Variants in NCOA1 observed in about 807,000 individuals in gnomAD.
NCOA1 encodes the protein Hin-2 protein.
Under a neutral mutation model 150.9 loss-of-function variants are expected in NCOA1, and 35 were observed. The observed-to-expected ratio is 0.23, with a 90% confidence interval of 0.18 to 0.31. The LOEUF is 0.31. Among genes scored for constraint, NCOA1 ranks in the 10% least tolerant of loss-of-function variants. The probability of loss-of-function intolerance (pLI) is 1.00; values close to 1 mark genes in which losing one functional copy is unlikely to be tolerated. For synonymous variants in NCOA1, 590 were observed against 630.0 expected (o/e 0.94, Z 0.95); for missense variants, 1,491 against 1,749.3 (o/e 0.85, Z 2.63).
At chr2:24,492,816 T>A (rs1663035971) in intron 1 of NCOA1, among the ~76,000 whole-genome samples, 1 of 152,196 alleles carries the variant, frequency 6.6e-6, no homozygotes, top group African/African-American at 2.4e-5. Context: ...GGGCTGGTGC[T>A]TACATTTCAG....
intron 2 of NCOA1, among the ~76,000 whole-genome samples, chr2:24,569,256 G>T (rs536786063): frequency 1.3e-5 from 2 of 152,234 alleles, no homozygotes; most frequent in African/African-American, 4.8e-5. Flanking sequence ...TTTTCACAGT[G>T]ATATGTTAGC....
chr2:24,680,041 T>C (rs1672093007), intron 7 of NCOA1, among the ~76,000 whole-genome samples: 2 of 152,224 alleles, frequency 1.3e-5, no homozygotes, highest in African/African-American at 4.8e-5. Context: ...AATAATCTTG[T>C]CCATTCATCT....
At chr2:24,540,595 A>G (rs1040689870) in intron 1 of NCOA1, among the ~76,000 whole-genome samples, 9 of 151,902 alleles carry the variant, frequency 5.9e-5, no homozygotes, top group African/African-American at 2.2e-4. Flanking sequence ...AGTAGCTGGG[A>G]TTACAGGCGC....
At chr2:24,575,271 T>C (rs979756347) in intron 2 of NCOA1, among the ~76,000 whole-genome samples, 31 of 152,306 alleles carry the variant, frequency 2.0e-4, no homozygotes, top group African/African-American at 7.0e-4. Flanking sequence ...TGCAGTGTAT[T>C]TTTCATTTCA....
chr2:24,524,389 C>T (rs957724217), intron 1 of NCOA1, among the ~76,000 whole-genome samples: 1 of 152,114 alleles, frequency 6.6e-6, no homozygotes, highest in Non-Finnish European at 1.5e-5. Context: ...CCTCAACCTC[C>T]TGGACTCAAC....
At chr2:24,741,695 C>A in intron 18 of NCOA1, 89 bp from the exon 19 acceptor site, 1 of 1,395,026 alleles carries the variant, frequency 7.2e-7, no homozygotes, top group Non-Finnish European at 9.6e-7. Flanking sequence ...CTTTATTGCC[C>A]CAAGCAAGTA....
At position 24,741,887 on chromosome 2, in the gene NCOA1, G is replaced by A. The variant is rs1362745243; in HGVS notation, c.3407G>A (p.Arg1136Lys). The change falls in exon 19 of 23, where the codon AGG (arginine) becomes AAG (lysine). Residue 1136 changes from arginine to lysine, a missense_variant. Transcript: ENST00000348332. ...LIQQQRAMLM[R>K]QQSFGNNLPP... The stretch of plus-strand genomic sequence containing the variant: ...CAGCAGCAAAGAGCCATGCTTATGA[G>A]GCAGCAAAGCTTTGGGAACAACCTC... 1 of 1,614,208 alleles carries A rather than the reference G, an allele frequency of 6.2e-7. No individual in the cohort carries two copies. The highest frequency in any genetic ancestry group is 2.2e-5 in the East Asian group (1 of 44,888).
chr2:24,518,481 T>C (rs1664297085), intron 1 of NCOA1, among the ~76,000 whole-genome samples: 1 of 152,050 alleles, frequency 6.6e-6, no homozygotes, highest in African/African-American at 2.4e-5. Context: ...ATACTGGAGG[T>C]TCTAATCTGT....
Position 24,729,374 on chromosome 2 carries a change from T to C in NCOA1, c.2887-127T>C, listed in dbSNP as rs546099190. ...AAGCAGCTTTTATAAATGATTTCTTTAGGTAGTAAACTTCTGGAGAGCATG... is the reference window on the plus strand; with the variant it reads ...AAGCAGCTTTTATAAATGATTTCTTCAGGTAGTAAACTTCTGGAGAGCATG... On this transcript the variant is annotated intron_variant, in intron 16 of 22. Coordinates refer to ENST00000348332, the MANE Select transcript of NCOA1 (RefSeq NM_003743.5). 100 of 861,520 alleles carry C rather than the reference T, an allele frequency of 1.2e-4. No individual in the cohort carries two copies. In the African/African-American group the frequency reaches 1.7e-3, roughly 14 times the overall value. 53.4% of individuals were successfully genotyped at this position (861,520 alleles called of 1,614,324 possible). A position where few individuals can be genotyped will look rare whatever the true frequency, so the allele number is the denominator to read the frequency against.
chr2:24,542,134 A>G (rs1242209357), intron 1 of NCOA1, among the ~76,000 whole-genome samples: 2 of 152,370 alleles, frequency 1.3e-5, no homozygotes, highest in South Asian at 4.1e-4. Context: ...AATAGAGTAG[A>G]TAGATGCAAG....
chr2:24,518,926 A>T (rs192632600), intron 1 of NCOA1, among the ~76,000 whole-genome samples: 46 of 152,294 alleles, frequency 3.0e-4, no homozygotes, highest in Admixed American at 1.4e-3. Flanking sequence ...ATGCAATCCC[A>T]GTCAAAATCC....
intron 22 of NCOA1, 30 bp from the exon 23 acceptor site, chr2:24,768,191 G>A (rs755607968): frequency 1.9e-6 from 3 of 1,612,824 alleles, no homozygotes; most frequent in Non-Finnish European, 1.7e-6. Flanking sequence ...AGACCCTTCT[G>A]TCTAAACACA....
intron 3 of NCOA1, among the ~76,000 whole-genome samples, chr2:24,619,913 C>T (rs1308176392): frequency 6.6e-6 from 1 of 152,056 alleles, no homozygotes; most frequent in African/African-American, 2.4e-5. Context: ...AGATTTACTT[C>T]CTATAAATTG....
At chr2:24,614,196 A>ATTATTTTTTTTTT (rs1558840251) in intron 3 of NCOA1, among the ~76,000 whole-genome samples, 1 of 13,160 alleles carries the variant, frequency 7.6e-5, no homozygotes, top group Non-Finnish European at 1.8e-4. Context: ...ATTCATTTCC[A>ATTATTTTTTTTTT]TTCTTTTTTT....
intron 19 of NCOA1, 85 bp from the exon 20 acceptor site, chr2:24,751,897 G>A: frequency 1.6e-6 from 2 of 1,233,386 alleles, no homozygotes; most frequent in East Asian, 2.4e-5. Flanking sequence ...TAAATATATT[G>A]TGACAGATCC....
At chr2:24,655,044 TTA>T (rs1670872397) in intron 4 of NCOA1, among the ~76,000 whole-genome samples, 1 of 152,220 alleles carries the variant, frequency 6.6e-6, no homozygotes, top group Non-Finnish European at 1.5e-5. Flanking sequence ...CTTTTTAATT[TTA>T]TGTGTTGTTG....
chr2:24,706,024 T>A (rs1673407541), intron 12 of NCOA1, among the ~76,000 whole-genome samples: 1 of 152,170 alleles, frequency 6.6e-6, no homozygotes, highest in Middle Eastern at 3.2e-3. Flanking sequence ...GATTTCTCTT[T>A]CAAAACATCT....
At chr2:24,696,778 A>G (rs1229299533) in intron 10 of NCOA1, among the ~76,000 whole-genome samples, 1 of 152,146 alleles carries the variant, frequency 6.6e-6, no homozygotes, top group Admixed American at 6.5e-5. Context: ...GGGGGTGGTG[A>G]CAAGGGAGGA....
At chr2:24,717,617 TATAA>T (rs771266684) in intron 14 of NCOA1, among the ~76,000 whole-genome samples, 13 of 152,322 alleles carry the variant, frequency 8.5e-5, no homozygotes, top group South Asian at 2.1e-4. Context: ...CATATATATA[TATAA>T]ATCATGTGTA....
Sources: allele counts gnomAD v4.1 joint callset (sites outside exome capture counted in the v4.1 genomes callset), GRCh38; gene constraint gnomAD v4.1.1; transcripts MANE v1.5; gene names NCBI Gene and HGNC (gene_info 2026-07-23, HGNC 2026-07-21).